SPAG16: variants seen among roughly 807,000 people sequenced by gnomAD.
SPAG16 encodes the protein sperm-associated antigen 16 protein.
In SPAG16, 86 loss-of-function variants were observed where a neutral mutation model predicts 80.4. The observed-to-expected ratio is 1.07, with a 90% CI of 0.90 to 1.28. The LOEUF (loss-of-function observed/expected upper bound fraction) is 1.28. Among genes scored for constraint, SPAG16 ranks in the 50% most tolerant of loss-of-function variants. The pLI is 0.00. For synonymous variants in SPAG16, 294 were observed against 265.9 expected, an observed-to-expected ratio of 1.11 and a Z score of -1.03; for missense variants, 870 against 765.3, an observed-to-expected ratio of 1.14 and a Z score of -1.61.
intron 15 of SPAG16, among the ~76,000 whole-genome samples, chr2:214,355,048 G>A (rs1698682248): frequency 1.3e-5 from 2 of 152,006 alleles, no homozygotes; most frequent in Admixed American, 6.6e-5. Flanking sequence ...TTAAATGTTA[G>A]ACCTAAAACC....
chr2:214,294,523 C>A (rs138695841), intron 15 of SPAG16, among the ~76,000 whole-genome samples: 2,053 of 152,250 alleles, frequency 0.013, 34 homozygotes, highest in Non-Finnish European at 0.02. Context: ...TCCCTTATGA[C>A]AGCCAAAATA....
chr2:213,762,431 A>C (rs1319605649), intron 10 of SPAG16, among the ~76,000 whole-genome samples: 1 of 152,228 alleles, frequency 6.6e-6, no homozygotes, highest in African/African-American at 2.4e-5. Context: ...TGGTACTAGA[A>C]TAAAGACAGC....
intron 12 of SPAG16, 59 bp downstream of exon 12, chr2:213,930,204 T>G: frequency 7.4e-7 from 1 of 1,343,618 alleles, no homozygotes; most frequent in Non-Finnish European, 1.0e-6. Context: ...GTGGGTAAAG[T>G]GGTAAAGTTC....
At chr2:214,098,945 A>T (rs1245971826) in intron 13 of SPAG16, among the ~76,000 whole-genome samples, 2 of 152,046 alleles carry the variant, frequency 1.3e-5, no homozygotes, top group Admixed American at 1.3e-4. Context: ...AGTAGAAAAA[A>T]GTTGATAATA....
chr2:213,480,365 AAGTT>A (rs1263735167), intron 9 of SPAG16, among the ~76,000 whole-genome samples: 3 of 152,210 alleles, frequency 2.0e-5, no homozygotes, highest in African/African-American at 7.2e-5. Context: ...TAATGCAAAT[AAGTT>A]AGCCTTGCTA....
At chr2:213,385,792 CCA>C (rs55899353) in intron 9 of SPAG16, among the ~76,000 whole-genome samples, 10,374 of 149,378 alleles carry the variant, frequency 0.069, 1,161 homozygotes, top group African/African-American at 0.24. Flanking sequence ...TCATCTCTGT[CCA>C]CACACACACA....
At chr2:213,362,513 G>A (rs575508037) in intron 7 of SPAG16, among the ~76,000 whole-genome samples, 2 of 152,290 alleles carry the variant, frequency 1.3e-5, no homozygotes, top group South Asian at 2.1e-4. Context: ...TTCTCATCAT[G>A]TAACCAAAGG....
chr2:213,829,162 T>C (rs527362606), intron 10 of SPAG16, among the ~76,000 whole-genome samples: 1 of 152,304 alleles, frequency 6.6e-6, no homozygotes, highest in East Asian at 1.9e-4. Context: ...AGTTGCTGTC[T>C]GGGAGCCAGG....
At chr2:213,428,347 G>C (rs1241479314) in intron 9 of SPAG16, among the ~76,000 whole-genome samples, 1 of 152,164 alleles carries the variant, frequency 6.6e-6, no homozygotes, top group African/African-American at 2.4e-5. Context: ...AAATTGGAGA[G>C]AGGCTAAAAC....
intron 10 of SPAG16, among the ~76,000 whole-genome samples, chr2:213,746,178 A>G (rs951829245): frequency 1.3e-5 from 2 of 152,220 alleles, no homozygotes; most frequent in African/African-American, 2.4e-5. Context: ...TGTATTTTTC[A>G]TCATACTTTA....
chr2:213,649,911 T>C (rs535665511), intron 10 of SPAG16, among the ~76,000 whole-genome samples: 21 of 152,222 alleles, frequency 1.4e-4, no homozygotes, highest in African/African-American at 5.1e-4. Context: ...AAGAGATTCA[T>C]CCAGTTATTC....
chr2:214,023,615 T>C (rs1275813639), intron 13 of SPAG16, among the ~76,000 whole-genome samples: 1 of 151,800 alleles, frequency 6.6e-6, no homozygotes, highest in African/African-American at 2.4e-5. Flanking sequence ...AAACTAAGTA[T>C]TTTTAATACA....
At chr2:213,728,128 C>T (rs1449782116) in intron 10 of SPAG16, among the ~76,000 whole-genome samples, 1 of 152,166 alleles carries the variant, frequency 6.6e-6, no homozygotes, top group East Asian at 1.9e-4. Flanking sequence ...GGATTACAGA[C>T]GTGAACCACT....
At chr2:214,352,487 T>C (rs895665962) in intron 15 of SPAG16, among the ~76,000 whole-genome samples, 31 of 151,576 alleles carry the variant, frequency 2.0e-4, no homozygotes, top group African/African-American at 7.1e-4. Flanking sequence ...TGAAATTCCA[T>C]TGTGATACTC....
At chr2:213,798,499 C>T (rs907350828) in intron 10 of SPAG16, among the ~76,000 whole-genome samples, 7 of 152,128 alleles carry the variant, frequency 4.6e-5, no homozygotes, top group Non-Finnish European at 8.8e-5. Context: ...AAGTGATCCT[C>T]CCACCTTGGC....
At chr2:213,418,484 G>T (rs1297422240) in intron 9 of SPAG16, among the ~76,000 whole-genome samples, 1 of 151,986 alleles carries the variant, frequency 6.6e-6, no homozygotes, top group African/African-American at 2.4e-5. Context: ...AAAAATTTTG[G>T]TTTGATAATA....
intron 9 of SPAG16, among the ~76,000 whole-genome samples, chr2:213,408,324 C>G (rs1032953790): frequency 1.5e-4 from 23 of 152,190 alleles, no homozygotes; most frequent in African/African-American, 5.1e-4. Context: ...ACCTAGTAAT[C>G]TGCGGATGGC....
chr2:213,933,062 G>A (rs1046578676), intron 12 of SPAG16, among the ~76,000 whole-genome samples: 5 of 151,136 alleles, frequency 3.3e-5, no homozygotes, highest in Admixed American at 6.6e-5. Context: ...GATTCAACAA[G>A]TAAATATGGC....
intron 7 of SPAG16, among the ~76,000 whole-genome samples, chr2:213,361,085 A>T (rs924023494): frequency 1.3e-5 from 2 of 152,088 alleles, no homozygotes; most frequent in Non-Finnish European, 2.9e-5. Flanking sequence ...AAAGAGTGAA[A>T]ACACACTGTG....
Sources: allele counts gnomAD v4.1 joint callset (sites outside exome capture counted in the v4.1 genomes callset), GRCh38; gene constraint gnomAD v4.1.1; transcripts MANE v1.5; gene names NCBI Gene and HGNC (gene_info 2026-07-23, HGNC 2026-07-21).